The following CCDC7 variants were observed in gnomAD, a reference collection of about 807,000 sequenced individuals.
CCDC7 encodes coiled-coil domain-containing protein 7.
In CCDC7, 183 loss-of-function variants were observed where a neutral mutation model predicts 196.9. That is an observed-to-expected ratio of 0.93 (90% confidence interval 0.82 to 1.05). The LOEUF is 1.05. Among genes scored for constraint, CCDC7 ranks in the 50% least tolerant of loss-of-function variants. CCDC7 has a pLI of 0.00. For missense variants in CCDC7, 1,540 were observed against 1,482.2 expected, an observed-to-expected ratio of 1.04 and a Z score of -0.64; for synonymous variants, 525 against 484.6, an observed-to-expected ratio of 1.08 and a Z score of -1.10.
chr10:32,547,843 A>G (rs1022215673), intron 13 of CCDC7, among the ~76,000 whole-genome samples: 1 of 152,124 alleles, frequency 6.6e-6, no homozygotes, highest in Non-Finnish European at 1.5e-5. Flanking sequence ...ATTTGGTTAC[A>G]TGAGTAAGTT....
In CCDC7 at chr10:32,593,763, G is replaced by A. The variant is rs184706997; in HGVS notation, c.1801+9459G>A. Among the ~76,000 whole-genome samples the A allele has an allele frequency of 8.5e-4, 130 of 152,068 alleles. 1 individual carries two copies. Among genetic ancestry groups the A allele is most frequent in the Admixed American group, 2.7e-3 (41 of 15,270 alleles). ...AAGGGATCCAGTTTCAGCTTTCTAC[G>A]TATGGCTAGCCAGTTTTCCGAGCAC... On this transcript the variant is annotated intron_variant, in intron 18 of 41. Coordinates refer to ENST00000639629, the Ensembl canonical transcript of CCDC7.
intron 30 of CCDC7, among the ~76,000 whole-genome samples, chr10:32,808,537 G>C (rs911860372): frequency 6.6e-6 from 1 of 152,062 alleles, no homozygotes; most frequent in Non-Finnish European, 1.5e-5. Flanking sequence ...CATGTACACT[G>C]TCTGGAGGCT....
chr10:32,502,415 T>A (rs1337513911), intron 9 of CCDC7, among the ~76,000 whole-genome samples: 1 of 152,138 alleles, frequency 6.6e-6, no homozygotes, highest in African/African-American at 2.4e-5. Context: ...CCTATTGAGA[T>A]GTACTGGGTA....
chr10:32,672,893 G>T (rs888364832), intron 21 of CCDC7, among the ~76,000 whole-genome samples: 41 of 152,172 alleles, frequency 2.7e-4, no homozygotes, highest in Non-Finnish European at 1.0e-4. Flanking sequence ...TAGCAGGAGG[G>T]ATGAAGGTTG....
intron 30 of CCDC7, among the ~76,000 whole-genome samples, chr10:32,809,100 G>A (rs555685409): frequency 6.6e-6 from 1 of 152,248 alleles, no homozygotes; most frequent in Admixed American, 6.5e-5. Flanking sequence ...CTCTGTGAAA[G>A]CCAATCCACA....
At chr10:32,846,832 A>G (rs2093317480) in intron 37 of CCDC7, among the ~76,000 whole-genome samples, 1 of 152,232 alleles carries the variant, frequency 6.6e-6, no homozygotes, top group Non-Finnish European at 1.5e-5. Context: ...CAAGAGGAGT[A>G]TAACACATAA....
chr10:32,651,097 C>G (rs1360839906), intron 20 of CCDC7, among the ~76,000 whole-genome samples: 1 of 152,156 alleles, frequency 6.6e-6, no homozygotes, highest in Non-Finnish European at 1.5e-5. Context: ...GGGTCCTCAG[C>G]TTTGCACCTG....
chr10:32,624,391 C>G lies in CCDC7; in HGVS notation c.1802-9863C>G, dbSNP rs150853920. Among the ~76,000 whole-genome samples, 9 of 152,280 alleles carry G rather than the reference C, an allele frequency of 5.9e-5. No homozygotes were observed. The East Asian group carries it at 1.7e-3, about 29-fold the overall frequency. On this transcript the variant is annotated intron_variant, in intron 18 of 41. Transcript: ENST00000639629. ...ACATTGTCTGCCTTCCAAGTTGTAG[C>G]AGTCAACAGTTCTACCAAATGGCAT...
chr10:32,663,977 A>G (rs2072090865), intron 20 of CCDC7, 77 bp from the exon 22 acceptor site: 2 of 386,476 alleles, frequency 5.2e-6, no homozygotes, highest in East Asian at 3.7e-5. Flanking sequence ...ATATGGCTGT[A>G]TACTTGTTAT....
At chr10:32,624,043 G>A (rs1489849652) in intron 18 of CCDC7, among the ~76,000 whole-genome samples, 1 of 152,080 alleles carries the variant, frequency 6.6e-6, no homozygotes, top group Non-Finnish European at 1.5e-5. Context: ...AACCATATCA[G>A]TTATTCAGTC....
intron 41 of CCDC7, among the ~76,000 whole-genome samples, chr10:32,872,466 C>T (rs1459094086): frequency 2.6e-5 from 4 of 151,892 alleles, no homozygotes; most frequent in Admixed American, 6.6e-5. Flanking sequence ...GAATACAGCA[C>T]ACTGATGGGT....
chr10:32,685,928 C>T, intron 21 of CCDC7, 42 bp from the exon 23 acceptor site: 2 of 1,045,336 alleles, frequency 1.9e-6, no homozygotes, highest in Non-Finnish European at 2.7e-6. Context: ...ACAAAAGATC[C>T]ATTTTTCTAT....
At chr10:32,812,054 A>G (rs746425933) in intron 30 of CCDC7, among the ~76,000 whole-genome samples, 10 of 152,142 alleles carry the variant, frequency 6.6e-5, no homozygotes, top group Non-Finnish European at 1.3e-4. Flanking sequence ...GCATAAAAGG[A>G]ATGTACCTCA....
intron 30 of CCDC7, among the ~76,000 whole-genome samples, chr10:32,809,023 T>A (rs2086477985): frequency 6.6e-6 from 1 of 152,020 alleles, no homozygotes; most frequent in African/African-American, 2.4e-5. Context: ...ACCAAAAAAC[T>A]TTTTTTAATT....
At chr10:32,865,402 T>TACAC (rs57916933) in intron 41 of CCDC7, among the ~76,000 whole-genome samples, 109 of 148,934 alleles carry the variant, frequency 7.3e-4, no homozygotes, top group African/African-American at 2.5e-3. Flanking sequence ...ACTCCTATTA[T>TACAC]ACACACACAC....
At chr10:32,587,746 GTTTC>G (rs1205092801) in intron 18 of CCDC7, among the ~76,000 whole-genome samples, 1 of 152,104 alleles carries the variant, frequency 6.6e-6, no homozygotes, top group African/African-American at 2.4e-5. Context: ...GATGGCCTTT[GTTTC>G]TTTTTATTTT....
chr10:32,805,355 A>T (rs2085613352), intron 30 of CCDC7, among the ~76,000 whole-genome samples: 1 of 152,242 alleles, frequency 6.6e-6, no homozygotes, highest in Non-Finnish European at 1.5e-5. Context: ...CTTAGAATAT[A>T]CTTGGGACAA....
chr10:32,471,562 C>A (rs1215038125), intron 6 of CCDC7, among the ~76,000 whole-genome samples: 1 of 152,068 alleles, frequency 6.6e-6, no homozygotes, highest in African/African-American at 2.4e-5. Flanking sequence ...CTTATAAACT[C>A]TTCTCTCAGT....
intron 41 of CCDC7, among the ~76,000 whole-genome samples, chr10:32,868,805 G>A (rs1431303213): frequency 6.9e-6 from 1 of 145,602 alleles, no homozygotes; most frequent in African/African-American, 2.6e-5. Context: ...ACCTATGAGT[G>A]AGAACATGTG....
Sources: gnomAD v4.1 joint callset for allele counts (sites outside exome capture counted in the v4.1 genomes callset) on GRCh38, gnomAD v4.1.1 for gene constraint, MANE v1.5 for transcripts, NCBI Gene and HGNC (gene_info 2026-07-23, HGNC 2026-07-21) for gene names.